Variants in PLEKHA5 observed in about 807,000 individuals in gnomAD.
PLEKHA5 encodes pleckstrin homology domain containing A5.
PLEKHA5 carries 55 observed loss-of-function variants against 181.9 expected under a neutral mutation model. The ratio of observed to expected loss-of-function variants is 0.30; its 90% CI spans 0.24 to 0.38. The LOEUF is 0.38. Among genes scored for constraint, PLEKHA5 ranks in the 10% least tolerant of loss-of-function variants. PLEKHA5 has a pLI of 1.00. For synonymous variants in PLEKHA5, 535 were observed against 529.4 expected, an observed-to-expected ratio of 1.01 and a Z score of -0.15; for missense variants, 1,432 against 1,549.5, an observed-to-expected ratio of 0.92 and a Z score of 1.27.
At chr12:19,204,384 T>C (rs1347994125) in intron 3 of PLEKHA5, among the ~76,000 whole-genome samples, 1 of 152,084 alleles carries the variant, frequency 6.6e-6, no homozygotes, top group Non-Finnish European at 1.5e-5. Context: ...AAAGTAGATA[T>C]GAAAGAGTTG....
At chr12:19,320,220 C>T (rs973940490) in intron 17 of PLEKHA5, among the ~76,000 whole-genome samples, 164 bp downstream of exon 17, 4 of 151,984 alleles carry the variant, frequency 2.6e-5, no homozygotes, top group African/African-American at 7.2e-5. Flanking sequence ...TGATTTGACA[C>T]AGTTGCTACG....
chr12:19,242,242 T>G (rs75050800), intron 3 of PLEKHA5, among the ~76,000 whole-genome samples: 1 of 75,308 alleles, frequency 1.3e-5, no homozygotes, highest in African/African-American at 2.8e-5. Context: ...TGTTTTTTTT[T>G]GTTTTTTTTG....
chr12:19,154,350 G>A (rs953910028), intron 3 of PLEKHA5: 1 of 151,348 alleles, frequency 6.6e-6, no homozygotes, highest in African/African-American at 2.4e-5. Context: ...GGTATATTTA[G>A]GTTTATTTAT....
intron 3 of PLEKHA5, among the ~76,000 whole-genome samples, chr12:19,252,942 A>C (rs2065741271): frequency 6.6e-6 from 1 of 151,926 alleles, no homozygotes; most frequent in African/African-American, 2.4e-5. Context: ...TTGGACCATA[A>C]AACAGTGGAG....
rs2090397489 is a variant in PLEKHA5, at chr12:19,320,616, G to C, written c.2209G>C (p.Asp737His). 1.4e-6 allele frequency: 2 copies of C among 1,419,670 alleles called. No homozygotes were observed. Among genetic ancestry groups the C allele is most frequent in the Non-Finnish European group, 2.0e-6 (2 of 1,012,544 alleles). 87.9% of individuals were successfully genotyped at this position (1,419,670 alleles called of 1,614,324 possible). The change falls in exon 18 of 32, where the codon GAT (aspartate) becomes CAT (histidine). Residue 737 changes from aspartate (D) to histidine (H), a missense_variant. Transcript: ENST00000429027. ...TLYKYRPEEV[D>H]IDAKLSRLCE... ...ATACAAATACAGACCTGAAGAAGTA[G>C]ATATTGATGTAAGTATTAGTATGAT...
rs112061087 is a variant in PLEKHA5 at position 19,304,147 on chromosome 12, C to T, written c.2038-10667C>T. ...TTAAGAAAAAGAGTAACTGGCCAGG[C>T]ACGGTGGCTCACGCCTGTAATCCCA... On this transcript the variant is annotated intron_variant, in intron 15 of 31. Transcript: ENST00000429027. Among the ~76,000 whole-genome samples the T allele has an allele frequency of 2.0e-5, 3 of 152,162 alleles. 1 individual carries two copies. Among genetic ancestry groups the T allele is most frequent in the African/African-American group, 7.2e-5 (3 of 41,556 alleles).
At chr12:19,357,465 T>G (rs2095008847) in intron 26 of PLEKHA5, among the ~76,000 whole-genome samples, 1 of 151,868 alleles carries the variant, frequency 6.6e-6, no homozygotes, top group Admixed American at 6.6e-5. Context: ...AGGCTGGTCT[T>G]GAACTCCTGA....
intron 15 of PLEKHA5, among the ~76,000 whole-genome samples, chr12:19,305,861 C>CAAAAAAAAAAAAA (rs376068601): frequency 1.1e-4 from 4 of 37,908 alleles, no homozygotes; most frequent in East Asian, 8.4e-4. Flanking sequence ...AACTCCATCT[C>CAAAAAAAAAAAAA]AAAAAAAAAA....
intron 3 of PLEKHA5, among the ~76,000 whole-genome samples, chr12:19,228,287 C>G (rs2059965055): frequency 6.6e-6 from 1 of 152,160 alleles, no homozygotes; most frequent in African/African-American, 2.4e-5. Context: ...CTTCATATAC[C>G]TTACTAAGCC....
chr12:19,342,660 C>T (rs2153178558), intron 21 of PLEKHA5, among the ~76,000 whole-genome samples: 1 of 152,126 alleles, frequency 6.6e-6, no homozygotes, highest in South Asian at 2.1e-4. Flanking sequence ...TGCCGTAATC[C>T]CCACTACTGA....
rs560134833 is a variant in PLEKHA5 at position 19,364,651 on chromosome 12, C to T, written c.3609-1313C>T. On this transcript the variant is annotated intron_variant, in intron 29 of 31. Coordinates refer to ENST00000429027, the MANE Select transcript of PLEKHA5 (RefSeq NM_001256470.2). ...TATGAATGGGTCAACCCAATAACCC[C>T]TGAACTCACTAATGTTTGTTTTTTT... 5.3e-5 allele frequency among the ~76,000 whole-genome samples: 8 copies of T among 151,872 alleles called. No homozygotes were observed. In the East Asian group the frequency reaches 1.4e-3, roughly 26 times the overall value.
intron 26 of PLEKHA5, among the ~76,000 whole-genome samples, chr12:19,354,238 G>A (rs1248992374): frequency 4.0e-5 from 5 of 124,478 alleles, no homozygotes; most frequent in Non-Finnish European, 6.3e-5. Context: ...TGCAAGCTCC[G>A]CCTCCCGGGT....
Position 19,130,372 on chromosome 12 carries a change from T to C in PLEKHA5, c.169+242T>C, listed in dbSNP as rs1018887754. Among the ~76,000 whole-genome samples, 2 of 151,844 alleles carry C rather than the reference T, an allele frequency of 1.3e-5. No homozygotes were observed. Among genetic ancestry groups the C allele is most frequent in the Non-Finnish European group, 2.9e-5 (2 of 67,950 alleles). ...ATCAGCACTTGGAGACGGCGCCCTC[T>C]TCCTGCGCCTTCTCCCCCCATCCCA... On this transcript the variant is annotated intron_variant, in intron 2 of 31. Transcript: ENST00000429027. The surrounding 1 kb of genome is among the most constrained non-coding windows in gnomAD (Gnocchi z 4.5).
At chr12:19,160,732 C>T (rs1270429373) in intron 3 of PLEKHA5, among the ~76,000 whole-genome samples, 1 of 152,034 alleles carries the variant, frequency 6.6e-6, no homozygotes, top group Non-Finnish European at 1.5e-5. Flanking sequence ...TTTCAGCCTT[C>T]TTTTGTCAGC....
At chr12:19,161,744 G>A (rs937442405) in intron 3 of PLEKHA5, among the ~76,000 whole-genome samples, 2 of 152,198 alleles carry the variant, frequency 1.3e-5, no homozygotes, top group East Asian at 3.9e-4. Context: ...AGCAGATATT[G>A]AGATATAGAT....
At chr12:19,235,724 C>T (rs2061318915) in intron 3 of PLEKHA5, among the ~76,000 whole-genome samples, 1 of 152,118 alleles carries the variant, frequency 6.6e-6, no homozygotes, top group Non-Finnish European at 1.5e-5. Flanking sequence ...TTAAGCTGTA[C>T]TGCTTTCTGT....
chr12:19,374,550 T>A (rs1217543029), intron 31 of PLEKHA5, among the ~76,000 whole-genome samples: 1 of 151,840 alleles, frequency 6.6e-6, no homozygotes, highest in East Asian at 1.9e-4. Flanking sequence ...TCTCAGCTAC[T>A]CTAGAGGCTG....
At chr12:19,305,014 C>T (rs116675949) in intron 15 of PLEKHA5, among the ~76,000 whole-genome samples, 159 of 152,224 alleles carry the variant, frequency 1.0e-3, no homozygotes, top group African/African-American at 3.6e-3. Context: ...CTTGGTGCTA[C>T]CTTTTTTCAT....
At chr12:19,147,827 C>G (rs182160847) in intron 3 of PLEKHA5, among the ~76,000 whole-genome samples, 67 of 152,082 alleles carry the variant, frequency 4.4e-4, no homozygotes, top group African/African-American at 1.6e-3. Flanking sequence ...GCTTTGAATT[C>G]CTGGCTTCAA....
Sources: allele counts gnomAD v4.1 joint callset (sites outside exome capture counted in the v4.1 genomes callset), GRCh38; gene constraint gnomAD v4.1.1; non-coding constraint Gnocchi (gnomAD v3.1); transcripts MANE v1.5; gene names NCBI Gene and HGNC (gene_info 2026-07-23, HGNC 2026-07-21).